Variants in FBXO42 observed in about 807,000 individuals in gnomAD.
The protein encoded by FBXO42 is F-box only protein 42.
FBXO42 carries 12 observed loss-of-function variants against 71.7 expected under a neutral mutation model. The observed-to-expected ratio is 0.17, with a 90% confidence interval of 0.11 to 0.27. FBXO42 has a LOEUF of 0.27. FBXO42 is among the 10% of genes least tolerant of loss of function. FBXO42 has a pLI of 1.00. For missense variants in FBXO42, 707 were observed against 911.9 expected (o/e 0.78, Z 2.89); for synonymous variants, 325 against 327.5 (o/e 0.99, Z 0.08).
At chr1:16,337,782 GC>G (rs757472071) in intron 1 of FBXO42, among the ~76,000 whole-genome samples, 8 of 148,430 alleles carry the variant, frequency 5.4e-5, no homozygotes, top group Non-Finnish European at 1.2e-4. Flanking sequence ...TACTCGGGAG[GC>G]TGAGGCAGAA....
intron 4 of FBXO42, among the ~76,000 whole-genome samples, chr1:16,273,358 T>C (rs1297419608): frequency 6.6e-6 from 1 of 152,144 alleles, no homozygotes; most frequent in African/African-American, 2.4e-5. Flanking sequence ...TGGTCTTTCC[T>C]CCCCAAACTT....
At chr1:16,274,410 C>G (rs543469834) in intron 4 of FBXO42, among the ~76,000 whole-genome samples, 39 of 151,908 alleles carry the variant, frequency 2.6e-4, no homozygotes, top group African/African-American at 9.4e-4. Context: ...GTTGTACAGA[C>G]AGGAAAGGGG....
At chr1:16,343,696 G>A (rs1447409947) in intron 1 of FBXO42, among the ~76,000 whole-genome samples, 2 of 152,078 alleles carry the variant, frequency 1.3e-5, no homozygotes, top group African/African-American at 4.8e-5. Flanking sequence ...GGTGGTGGGT[G>A]CCTATAATCC....
Position 16,262,679 on chromosome 1 carries a change from G to A in FBXO42, c.503-5920C>T, listed in dbSNP as rs2474399. Among the ~76,000 whole-genome samples, 476 of 152,216 alleles carry A rather than the reference G, an allele frequency of 3.1e-3. 1 individual carries two copies. Among genetic ancestry groups the A allele is most frequent in the South Asian group, 6.6e-3 (32 of 4,818 alleles). On this transcript the variant is annotated intron_variant, in intron 4 of 9. Coordinates refer to ENST00000375592, the MANE Select transcript of FBXO42 (RefSeq NM_018994.3). ...TACACATGGGGTGGTCAGAGATTAC[G>A]CGGATCCATCAATTTTGGCAATTTC...
intron 2 of FBXO42, among the ~76,000 whole-genome samples, chr1:16,311,243 C>T (rs1027947422): frequency 6.7e-6 from 1 of 149,136 alleles, no homozygotes; most frequent in African/African-American, 2.5e-5. Flanking sequence ...TTAGCAGGCC[C>T]AGGTGGTAAG....
intron 4 of FBXO42, among the ~76,000 whole-genome samples, chr1:16,264,662 A>G (rs1380988975): frequency 6.6e-6 from 1 of 152,170 alleles, no homozygotes; most frequent in African/African-American, 2.4e-5. Context: ...TCATTCCCCA[A>G]ACACATCAAA....
chr1:16,344,657 T>C (rs551956436), intron 1 of FBXO42, among the ~76,000 whole-genome samples: 2 of 152,102 alleles, frequency 1.3e-5, no homozygotes, highest in Non-Finnish European at 2.9e-5. Context: ...TTTTAAACCT[T>C]CTTATACATA....
At position 16,250,804 on chromosome 1, in the gene FBXO42, G is replaced by A; in HGVS notation, c.2020C>T (p.Pro674Ser). Residue 674 changes from proline (P) to serine (S), a missense_variant, in exon 10 of 10, where the codon CCT becomes TCT. Pro to Ser is a moderately conservative substitution (Grantham distance 74). Transcript: ENST00000375592. The surrounding 1 kb of genome is among the most constrained non-coding windows in gnomAD (Gnocchi z 4.7). ...ACCACGGTATGCAGGCTGGTTTCAG[G>A]AGGTCCAACCACAGAACTGCTATTA... ...VFNSSSVVGP[P>S]ETSLHTVVQG... The A allele has an allele frequency of 6.2e-7, 1 of 1,614,132 alleles. No individual in the cohort carries two copies. Among genetic ancestry groups the A allele is most frequent in the Non-Finnish European group, 8.5e-7 (1 of 1,180,032 alleles).
rs748877277 is a variant in FBXO42, at chr1:16,250,929, C to G, written c.1895G>C (p.Gly632Ala). The part of the protein sequence containing the change: ...GHHPPQSLNV[G>A]KPLYQSMNCK... ...GTTCATACTCTGGTATAGGGGTTTGCCAACATTTAGGGACTGTGGAGGGTG... is the reference window on the plus strand; with the variant it reads ...GTTCATACTCTGGTATAGGGGTTTGGCAACATTTAGGGACTGTGGAGGGTG... The change falls in exon 10 of 10, where the codon GGC (glycine) becomes GCC (alanine). Residue 632 changes from glycine (G) to alanine (A), a missense_variant. Coordinates refer to ENST00000375592, the MANE Select transcript of FBXO42 (RefSeq NM_018994.3). This position sits in a 1 kb window ranked among gnomAD's most constrained non-coding sequence, Gnocchi z 4.7. 1.3e-5 allele frequency: 21 copies of G among 1,614,134 alleles called. No individual in the cohort carries two copies. The Middle Eastern group carries it at 6.6e-4, about 51-fold the overall frequency.
chr1:16,258,332 T>C (rs1426011645), intron 4 of FBXO42, among the ~76,000 whole-genome samples: 2 of 151,710 alleles, frequency 1.3e-5, no homozygotes, highest in Admixed American at 6.6e-5. Flanking sequence ...AAGAACACCA[T>C]GTGGCATCAG....
chr1:16,296,649 C>CAAAAAAAAAAAAAAAAA (rs58537213), intron 3 of FBXO42, among the ~76,000 whole-genome samples: 1 of 91,328 alleles, frequency 1.1e-5, no homozygotes, highest in African/African-American at 3.9e-5. Context: ...GACTCCATCT[C>CAAAAAAAAAAAAAAAAA]AAAAAAAAAA....
chr1:16,282,537 T>TTA (rs2081975423), intron 4 of FBXO42, among the ~76,000 whole-genome samples: 1 of 146,706 alleles, frequency 6.8e-6, no homozygotes, highest in African/African-American at 2.5e-5. Context: ...TTTTCTCTTT[T>TTA]AAAAAAAAAA....
In FBXO42 at chr1:16,311,104, G is replaced by T. The variant is rs1433150763; in HGVS notation, c.250+4065C>A. On this transcript the variant is annotated intron_variant, in intron 2 of 9. Coordinates refer to ENST00000375592, the MANE Select transcript of FBXO42 (RefSeq NM_018994.3). Reference sequence around the variant, plus strand: ...CACTTTGGGGAATGGCATGAACCCAGGAGGCGGAGCTTGCAATAAGCCGAG... The same window carrying T: ...CACTTTGGGGAATGGCATGAACCCATGAGGCGGAGCTTGCAATAAGCCGAG... Among the ~76,000 whole-genome samples, 5 of 75,232 alleles carry T rather than the reference G, an allele frequency of 6.6e-5. No homozygotes were observed. In the East Asian group the frequency reaches 8.1e-4, roughly 12 times the overall value. The allele number at this position is 75,232 out of a possible 152,430, so 49.4% of individuals were successfully genotyped here.
At chr1:16,266,320 T>TA (rs2081772761) in intron 4 of FBXO42, among the ~76,000 whole-genome samples, 1 of 149,946 alleles carries the variant, frequency 6.7e-6, no homozygotes, top group South Asian at 2.1e-4. Flanking sequence ...AGAGCCATGC[T>TA]AAAATAAGTT....
chr1:16,342,603 T>C (rs942047039), intron 1 of FBXO42, among the ~76,000 whole-genome samples: 3 of 145,688 alleles, frequency 2.1e-5, no homozygotes, highest in African/African-American at 7.5e-5. Flanking sequence ...AAAAAAGTTA[T>C]AGTAATACCA....
intron 4 of FBXO42, among the ~76,000 whole-genome samples, chr1:16,269,033 A>G (rs1469025852): frequency 6.6e-6 from 1 of 151,046 alleles, no homozygotes; most frequent in Admixed American, 6.6e-5. Flanking sequence ...CTGGTCTCGA[A>G]CTCCTGACCT....
chr1:16,338,260 C>A (rs1444185520), intron 1 of FBXO42, among the ~76,000 whole-genome samples: 1 of 135,044 alleles, frequency 7.4e-6, no homozygotes, highest in Non-Finnish European at 1.5e-5. Context: ...GACTCCATCT[C>A]AAAAAAAAAG....
Position 16,282,075 on chromosome 1 carries a change from T to A in FBXO42, c.502+12708A>T, listed in dbSNP as rs375601927. 2.2e-4 allele frequency among the ~76,000 whole-genome samples: 34 copies of A among 152,118 alleles called. No homozygotes were observed. The South Asian group carries it at 7.1e-3, about 32-fold the overall frequency. ...TTGCTTCCTAATGATAGCTGAGGAATCCAGTTTAGCACATCACATACTCAC... is the reference window on the plus strand; with the variant it reads ...TTGCTTCCTAATGATAGCTGAGGAAACCAGTTTAGCACATCACATACTCAC... On this transcript the variant is annotated intron_variant, in intron 4 of 9. Coordinates refer to ENST00000375592, the MANE Select transcript of FBXO42 (RefSeq NM_018994.3).
chr1:16,341,557 A>G (rs9793421), intron 1 of FBXO42, among the ~76,000 whole-genome samples: 46,423 of 146,666 alleles, frequency 0.32, 7,555 homozygotes, highest in Non-Finnish European at 0.35. Context: ...GCAGTGAGCC[A>G]AGATTGCACC....
Sources: gnomAD v4.1 joint callset for allele counts (sites outside exome capture counted in the v4.1 genomes callset) on GRCh38, gnomAD v4.1.1 for gene constraint, Gnocchi (gnomAD v3.1) non-coding constraint, MANE v1.5 for transcripts, NCBI Gene and HGNC (gene_info 2026-07-23, HGNC 2026-07-21) for gene names.